The following MED27 variants were observed in gnomAD, a reference collection of about 807,000 sequenced individuals.
The protein encoded by MED27 is mediator of RNA polymerase II transcription subunit 27.
MED27 carries 30 observed loss-of-function variants against 38.2 expected under a neutral mutation model. The observed-to-expected ratio is 0.79, with a 90% CI of 0.59 to 1.07. The LOEUF (loss-of-function observed/expected upper bound fraction) is 1.07. MED27 is among the 50% of genes least tolerant of loss of function. The pLI, the probability that MED27 is intolerant of heterozygous loss-of-function variation, is 0.00. For synonymous variants in MED27, 122 were observed against 153.5 expected, an observed-to-expected ratio of 0.79 and a Z score of 1.52; for missense variants, 289 against 397.5, an observed-to-expected ratio of 0.73 and a Z score of 2.32.
chr9:132,029,005 G>A (rs1164207932), intron 2 of MED27, among the ~76,000 whole-genome samples: 1 of 152,230 alleles, frequency 6.6e-6, no homozygotes. Flanking sequence ...AGATGCCACG[G>A]AGAGAAGCCT....
intron 4 of MED27, among the ~76,000 whole-genome samples, chr9:131,905,548 C>T (rs1830038417): frequency 6.6e-6 from 1 of 151,952 alleles, no homozygotes; most frequent in Non-Finnish European, 1.5e-5. Context: ...TGCGTCCTTC[C>T]AGGACCAGGT....
intron 2 of MED27, among the ~76,000 whole-genome samples, chr9:132,056,531 C>A (rs1833581666): frequency 6.6e-6 from 1 of 152,194 alleles, no homozygotes; most frequent in South Asian, 2.1e-4. Flanking sequence ...AGAAAATGTA[C>A]TTTGGAACAT....
chr9:132,079,241 TG>T (rs564618901), intron 1 of MED27, among the ~76,000 whole-genome samples: 62 of 152,172 alleles, frequency 4.1e-4, no homozygotes, highest in African/African-American at 1.1e-3. Flanking sequence ...CGGGTGCACT[TG>T]GGTTTGGAGC....
rs1380714715 is a variant in MED27 at position 131,861,143 on chromosome 9, C to G, written c.802-471G>C. ...GAGGTCAACATGCCTTCTAGCTAATCTGATTTCAGAGGTTGTCACTCATTG... is the reference window on the plus strand; with the variant it reads ...GAGGTCAACATGCCTTCTAGCTAATGTGATTTCAGAGGTTGTCACTCATTG... On this transcript the variant is annotated intron_variant, in intron 7 of 7. Transcript: ENST00000292035. The surrounding 1 kb of genome is among the most constrained non-coding windows in gnomAD (Gnocchi z 4.4). 1.3e-5 allele frequency among the ~76,000 whole-genome samples: 2 copies of G among 152,052 alleles called. No homozygotes were observed. The highest frequency in any genetic ancestry group is 2.4e-5 in the African/African-American group (1 of 41,396).
chr9:131,951,147 A>C (rs1282038680), intron 3 of MED27, among the ~76,000 whole-genome samples: 1 of 152,202 alleles, frequency 6.6e-6, no homozygotes, highest in Non-Finnish European at 1.5e-5. Context: ...CTCAGGACTC[A>C]TCCCCCAACC....
intron 2 of MED27, among the ~76,000 whole-genome samples, chr9:132,039,497 G>GT (rs1833160057): frequency 1.3e-5 from 2 of 152,204 alleles, no homozygotes; most frequent in Non-Finnish European, 2.9e-5. Context: ...ATTATGAGTC[G>GT]TAACAGTGCA....
chr9:131,935,776 G>T (rs1830670988), intron 4 of MED27, among the ~76,000 whole-genome samples: 1 of 151,998 alleles, frequency 6.6e-6, no homozygotes, highest in African/African-American at 2.4e-5. Flanking sequence ...ATGAGCTCAT[G>T]GGTTTATCTA....
intron 1 of MED27, among the ~76,000 whole-genome samples, chr9:132,077,821 G>A (rs552310917): frequency 6.6e-6 from 1 of 151,530 alleles, no homozygotes; most frequent in African/African-American, 2.4e-5. Flanking sequence ...GAAAAAAAAG[G>A]TAAGGGCAGT....
chr9:131,960,381 C>T (rs966972566), intron 3 of MED27, among the ~76,000 whole-genome samples: 2 of 152,150 alleles, frequency 1.3e-5, no homozygotes, highest in Admixed American at 6.5e-5. Flanking sequence ...TGTAGCTTGA[C>T]GCTCTGACTT....
intron 2 of MED27, among the ~76,000 whole-genome samples, chr9:132,032,352 C>G (rs1832982492): frequency 6.6e-6 from 1 of 151,946 alleles, no homozygotes; most frequent in Admixed American, 6.6e-5. Context: ...TGATGTGGCA[C>G]TCTGAATGCA....
chr9:131,945,904 G>A (rs978163719), intron 3 of MED27, among the ~76,000 whole-genome samples: 1 of 150,676 alleles, frequency 6.6e-6, no homozygotes, highest in African/African-American at 2.5e-5. Flanking sequence ...GGAGTTCAAG[G>A]AGGCAGTGAG....
At chr9:132,022,195 T>C (rs545051091) in intron 2 of MED27, among the ~76,000 whole-genome samples, 16 of 152,196 alleles carry the variant, frequency 1.1e-4, no homozygotes, top group Admixed American at 2.6e-4. Context: ...CCTATGTTTC[T>C]ACTGGGGGAA....
intron 2 of MED27, among the ~76,000 whole-genome samples, chr9:132,074,126 C>T (rs765378180): frequency 1.3e-5 from 2 of 152,180 alleles, no homozygotes; most frequent in Non-Finnish European, 2.9e-5. Flanking sequence ...GTCAAGAAAG[C>T]TTGTCATCCT....
chr9:132,026,085 G>A (rs1832811470), intron 2 of MED27, among the ~76,000 whole-genome samples: 1 of 152,192 alleles, frequency 6.6e-6, no homozygotes, highest in African/African-American at 2.4e-5. Context: ...CTCCAATGAT[G>A]CTCAGCAGCC....
At chr9:131,984,707 T>G (rs1831811587) in intron 3 of MED27, among the ~76,000 whole-genome samples, 1 of 152,214 alleles carries the variant, frequency 6.6e-6, no homozygotes, top group Admixed American at 6.5e-5. Flanking sequence ...CATGCTTCTC[T>G]GATTTTCCAT....
At chr9:131,869,373 GA>G (rs1401099113) in intron 6 of MED27, 16 of 972,802 alleles carry the variant, frequency 1.6e-5, no homozygotes, top group Middle Eastern at 5.3e-4. Flanking sequence ...CCAAGACTTG[GA>G]AAAAACAGGC....
chr9:131,893,952 C>T lies in MED27; in HGVS notation c.614G>A (p.Arg205Gln), dbSNP rs1829775770. The change falls in exon 5 of 8, where the codon CGG (arginine) becomes CAG (glutamine). Residue 205 changes from arginine (R) to glutamine (Q), a missense_variant. By Grantham distance (43) the Arg-to-Gln change is conservative. Coordinates refer to ENST00000292035, the MANE Select transcript of MED27 (RefSeq NM_004269.4). ...GKVLKVIVVMRSLFIDRTIVK... is the reference protein window; with the variant it reads ...GKVLKVIVVMQSLFIDRTIVK... ...TATTGTTCGATCAATGAACAGGCTC[C>T]GCATGACGACGATCACTTTCAACAC... 2 of 1,614,170 alleles carry T rather than the reference C, an allele frequency of 1.2e-6. No individual in the cohort carries two copies. Among genetic ancestry groups the T allele is most frequent in the Non-Finnish European group, 1.7e-6 (2 of 1,180,010 alleles).
At chr9:131,914,857 T>C (rs551385739) in intron 4 of MED27, among the ~76,000 whole-genome samples, 1 of 152,180 alleles carries the variant, frequency 6.6e-6, no homozygotes, top group African/African-American at 2.4e-5. Flanking sequence ...ATTCTGGATA[T>C]GCTTCTCAGG....
Position 131,997,824 on chromosome 9 carries a change from G to A in MED27, c.479+16513C>T, listed in dbSNP as rs1246083128. Among the ~76,000 whole-genome samples the A allele has an allele frequency of 6.6e-6, 1 of 152,214 alleles. No homozygotes were observed. Among genetic ancestry groups the A allele is most frequent in the African/African-American group, 2.4e-5 (1 of 41,452 alleles). ...GTAACGGTACCTCTCAAAGGACAGC[G>A]TTCAAACTACATGAGTGCTCTATGC... On this transcript the variant is annotated intron_variant, in intron 3 of 7. Coordinates refer to ENST00000292035, the MANE Select transcript of MED27 (RefSeq NM_004269.4). The surrounding 1 kb of genome is among the most constrained non-coding windows in gnomAD (Gnocchi z 4.0).
Sources: allele counts gnomAD v4.1 joint callset (sites outside exome capture counted in the v4.1 genomes callset), GRCh38; gene constraint gnomAD v4.1.1; non-coding constraint Gnocchi (gnomAD v3.1); transcripts MANE v1.5; gene names NCBI Gene and HGNC (gene_info 2026-07-23, HGNC 2026-07-21).